The following CPS1 variants were observed in gnomAD, a reference collection of about 807,000 sequenced individuals.
CPS1 encodes carbamoyl-phosphate synthase 1.
CPS1 carries 109 observed loss-of-function variants against 174.6 expected under a neutral mutation model. The ratio of observed to expected loss-of-function variants is 0.62; its 90% CI spans 0.53 to 0.73. CPS1 has a LOEUF of 0.73. Among genes scored for constraint, CPS1 ranks in the 30% least tolerant of loss-of-function variants. The pLI, the probability that CPS1 is intolerant of heterozygous loss-of-function variation, is 0.00. For missense variants in CPS1, 1,689 were observed against 1,821.9 expected (o/e 0.93, Z 1.33); for synonymous variants, 637 against 632.0 (o/e 1.01, Z -0.12).
chr2:210,605,455 A>T (rs2105847877), intron 17 of CPS1, among the ~76,000 whole-genome samples: 1 of 152,062 alleles, frequency 6.6e-6, no homozygotes, highest in Non-Finnish European at 1.5e-5. Flanking sequence ...AGTAAGGCGG[A>T]TATTACACTG....
chr2:210,509,175 A>G (rs1254696804), intron 1 of CPS1, among the ~76,000 whole-genome samples: 6 of 152,234 alleles, frequency 3.9e-5, no homozygotes, highest in Non-Finnish European at 7.3e-5. Flanking sequence ...CAAAAAGCTT[A>G]TCCACCATGA....
At position 210,656,561 on chromosome 2, in the gene CPS1, G is replaced by T; in HGVS notation, c.3595G>T (p.Ala1199Ser). 6.2e-7 allele frequency: 1 copy of T among 1,606,324 alleles called. No individual in the cohort carries two copies. Among genetic ancestry groups the T allele is most frequent in the Non-Finnish European group, 8.5e-7 (1 of 1,178,290 alleles). The part of the protein sequence containing the change: ...SHAISEHVED[A>S]GVHSGDATLM... ...TGCCATCTCTGAACATGTTGAAGAT[G>T]CAGGTGTCCACTCGGGAGATGCCAC... Residue 1199 changes from alanine to serine, a missense_variant, in exon 30 of 38, where the codon GCA (alanine) becomes TCA (serine). By Grantham distance (99) the Ala-to-Ser change is moderately conservative (BLOSUM62 1). Transcript: ENST00000233072.
At chr2:210,492,426 T>C (rs1350080840) in intron 1 of CPS1, among the ~76,000 whole-genome samples, 1 of 152,250 alleles carries the variant, frequency 6.6e-6, no homozygotes, top group African/African-American at 2.4e-5. Flanking sequence ...CTACGTTTAC[T>C]ATCACTGAAG....
intron 30 of CPS1, 105 bp from the exon 31 acceptor site, chr2:210,658,494 G>A (rs959159395): frequency 9.9e-6 from 8 of 804,412 alleles, no homozygotes; most frequent in Middle Eastern, 2.7e-4. Flanking sequence ...TGTCTGTGAA[G>A]AGAAATTAAA....
Position 210,579,950 on chromosome 2 carries a change from T to C in CPS1, c.528+180T>C, listed in dbSNP as rs909551312. On this transcript the variant is annotated intron_variant, in intron 5 of 37. Coordinates refer to ENST00000233072, the MANE Select transcript of CPS1 (RefSeq NM_001875.5). ...ACTATTTTCACTGTAATTTTCAAGA[T>C]TGAATACTTGATTGGTATGTTTTTA... 8 of 625,278 alleles carry C rather than the reference T, an allele frequency of 1.3e-5. No individual in the cohort carries two copies. The African/African-American group carries it at 1.3e-4, about 10-fold the overall frequency. 38.7% of individuals were successfully genotyped at this position (625,278 alleles called of 1,614,324 possible). A position where few individuals can be genotyped will look rare whatever the true frequency, so the allele number is the denominator to read the frequency against.
At chr2:210,529,394 T>C (rs1254815185) in intron 1 of CPS1, among the ~76,000 whole-genome samples, 1 of 152,024 alleles carries the variant, frequency 6.6e-6, no homozygotes, top group Non-Finnish European at 1.5e-5. Context: ...TTTTAGAGTC[T>C]ACCTCTTTTG....
rs375478694 is a variant in CPS1, at chr2:210,556,894, T to A, written c.126+35T>A. 3.7e-6 allele frequency: 6 copies of A among 1,609,210 alleles called. No homozygotes were observed. In the East Asian group the frequency reaches 1.3e-4, roughly 36 times the overall value. ...ATATTGATTGTTTCTGATAAAATAC[T>A]ATGGGGTATAGTTTAGCAGTGAAGC... is the stretch of plus-strand genomic sequence containing the variant. On this transcript the variant is annotated intron_variant, in intron 1 of 37. Transcript: ENST00000233072.
intron 22 of CPS1, among the ~76,000 whole-genome samples, chr2:210,638,161 T>A (rs911075326): frequency 3.3e-5 from 5 of 152,364 alleles, no homozygotes; most frequent in Admixed American, 3.3e-4. Flanking sequence ...TGTAAGTAGT[T>A]AAGAAATCCT....
intron 21 of CPS1, chr2:210,619,415 C>G (rs1646633009): frequency 6.6e-6 from 1 of 151,846 alleles, no homozygotes; most frequent in African/African-American, 2.4e-5. Context: ...GAAAATTTTT[C>G]CTCTTTTCCC....
chr2:210,663,656 A>G (rs1297056531), intron 33 of CPS1, among the ~76,000 whole-genome samples: 1 of 149,626 alleles, frequency 6.7e-6, no homozygotes, highest in Admixed American at 6.7e-5. Flanking sequence ...GCAAAATTTT[A>G]GGACTACTTT....
intron 1 of CPS1, among the ~76,000 whole-genome samples, chr2:210,510,824 C>A (rs1241802040): frequency 6.6e-6 from 1 of 152,178 alleles, no homozygotes; most frequent in Non-Finnish European, 1.5e-5. Flanking sequence ...ATCAAAACCA[C>A]AATGAGATAC....
chr2:210,519,648 G>C lies in CPS1; in HGVS notation c.4-37071G>C, dbSNP rs528823322. ...CATGGATTTTGAACTTGAATTCCCAGCCTCGCTTGCATCTAGACACAGGCA... is the reference window on the plus strand; with the variant it reads ...CATGGATTTTGAACTTGAATTCCCACCCTCGCTTGCATCTAGACACAGGCA... On this transcript the variant is annotated intron_variant, in intron 1 of 38. Transcript: ENST00000430249. The C allele has an allele frequency of 9.4e-5, 52 of 551,992 alleles. No individual in the cohort carries two copies. The Middle Eastern group carries it at 2.7e-3, about 29-fold the overall frequency. 34.2% of individuals were successfully genotyped at this position (551,992 alleles called of 1,614,324 possible).
intron 13 of CPS1, among the ~76,000 whole-genome samples, chr2:210,598,213 A>G (rs374883243): frequency 1.3e-5 from 2 of 151,990 alleles, no homozygotes; most frequent in South Asian, 2.1e-4. Context: ...AATATCTTGA[A>G]AGGAACACTA....
chr2:210,597,162 G>A (rs1474391206), intron 13 of CPS1, among the ~76,000 whole-genome samples: 1 of 151,692 alleles, frequency 6.6e-6, no homozygotes, highest in Non-Finnish European at 1.5e-5. Flanking sequence ...TAGTTGTGAG[G>A]CTTTCTATAA....
At chr2:210,577,137 T>C (rs1697739001) in intron 3 of CPS1, 1 of 441,144 alleles carries the variant, frequency 2.3e-6, no homozygotes, top group Non-Finnish European at 4.1e-6. Context: ...CCAGTAATTA[T>C]TAATTAAATT....
At chr2:210,554,192 CATAT>C (rs35834191), upstream of CPS1, among the ~76,000 whole-genome samples, 42 of 127,372 alleles carry the variant, frequency 3.3e-4, 2 homozygotes, top group Non-Finnish European at 5.5e-4. Flanking sequence ...TACACACACA[CATAT>C]ATATATGTAT....
At chr2:210,647,242 A>G (rs1202766924) in intron 25 of CPS1, among the ~76,000 whole-genome samples, 1 of 152,198 alleles carries the variant, frequency 6.6e-6, no homozygotes, top group Middle Eastern at 3.2e-3. Context: ...AACAACAGCC[A>G]GGGAAGTTTC....
intron 1 of CPS1, among the ~76,000 whole-genome samples, chr2:210,571,674 G>C (rs1574537885): frequency 1.3e-5 from 2 of 151,934 alleles, no homozygotes; most frequent in African/African-American, 4.8e-5. Context: ...CTAATGACAA[G>C]AGACTTGGGT....
intron 2 of CPS1, among the ~76,000 whole-genome samples, chr2:210,574,920 C>T (rs545846939): frequency 6.6e-6 from 1 of 152,026 alleles, no homozygotes; most frequent in Admixed American, 6.6e-5. Context: ...AAGATTAGTC[C>T]ATAGACCCTA....
Sources: gnomAD v4.1 joint callset for allele counts (sites outside exome capture counted in the v4.1 genomes callset) on GRCh38, gnomAD v4.1.1 for gene constraint, MANE v1.5 for transcripts, NCBI Gene and HGNC (gene_info 2026-07-23, HGNC 2026-07-21) for gene names.